BTBD9: variants seen among roughly 807,000 people sequenced by gnomAD.
The protein encoded by BTBD9 is BTB/POZ domain-containing protein 9.
BTBD9 carries 49 observed loss-of-function variants against 64.3 expected under a neutral mutation model. That is an observed-to-expected ratio of 0.76 (90% CI 0.61 to 0.97). The LOEUF (loss-of-function observed/expected upper bound fraction) is 0.97. Ranked by LOEUF, BTBD9 falls within the 50% of genes least tolerant of loss-of-function variation. The pLI, the probability that BTBD9 is intolerant of heterozygous loss-of-function variation, is 0.00. For missense variants in BTBD9, 598 were observed against 762.1 expected (o/e 0.78, Z 2.53); for synonymous variants, 260 against 274.7 (o/e 0.95, Z 0.53).
rs565712909 is a variant in BTBD9 at position 38,571,330 on chromosome 6, A to G, written c.1154+6270T>C. ...GTGTAGGGAACAAAAGAGAAATGAA[A>G]GAAGACATATGTTATACAAGTGTTA... is the stretch of plus-strand genomic sequence containing the variant. On this transcript the variant is annotated intron_variant, in intron 6 of 10. Coordinates refer to ENST00000481247, the MANE Select transcript of BTBD9 (RefSeq NM_001099272.2). Among the ~76,000 whole-genome samples the G allele has an allele frequency of 2.0e-5, 3 of 152,310 alleles. No homozygotes were observed. In the South Asian group the frequency reaches 6.2e-4, roughly 32 times the overall value.
intron 9 of BTBD9, among the ~76,000 whole-genome samples, chr6:38,226,326 A>G (rs1763391318): frequency 6.6e-6 from 1 of 152,226 alleles, no homozygotes; most frequent in South Asian, 2.1e-4. Flanking sequence ...TTCTCAAGAC[A>G]GAACAGGGAA....
At chr6:38,588,402 C>G in intron 4 of BTBD9, 1 of 822,262 alleles carries the variant, frequency 1.2e-6, no homozygotes. Context: ...AACCTGGGGC[C>G]TATAGACCAA....
intron 6 of BTBD9, among the ~76,000 whole-genome samples, chr6:38,375,926 AGAAAGAAAGAAAGAAGGAAAGAAG>A (rs1289965253): frequency 0.011 from 1,624 of 144,692 alleles, 38 homozygotes; most frequent in East Asian, 0.033. Flanking sequence ...AAAGAAAGAA[AGAAAGAAAGAAAGAAGGAAAGAAG>A]GAAAGAAAGA....
chr6:38,603,506 T>G (rs1463934343), intron 1 of BTBD9, among the ~76,000 whole-genome samples: 2 of 152,238 alleles, frequency 1.3e-5, no homozygotes, highest in Non-Finnish European at 2.9e-5. Flanking sequence ...TAATTGCCCC[T>G]TAAGGGGGAA....
chr6:38,597,479 G>A (rs1343980808), intron 2 of BTBD9, among the ~76,000 whole-genome samples: 3 of 152,174 alleles, frequency 2.0e-5, no homozygotes, highest in Admixed American at 1.3e-4. Context: ...ACAAGTGCAC[G>A]TCTTAGATCT....
intron 2 of BTBD9, among the ~76,000 whole-genome samples, chr6:38,596,941 C>T (rs114843124): frequency 0.01 from 1,537 of 152,246 alleles, 22 homozygotes; most frequent in African/African-American, 0.035. Flanking sequence ...AGACCAAGGT[C>T]GGATGCCTTG....
At chr6:38,390,061 A>C (rs1338829592) in intron 6 of BTBD9, among the ~76,000 whole-genome samples, 1 of 152,228 alleles carries the variant, frequency 6.6e-6, no homozygotes, top group Non-Finnish European at 1.5e-5. Context: ...CTGATGGTAC[A>C]ATGAAGTGAC....
At position 38,396,096 on chromosome 6, in the gene BTBD9, T is replaced by C. The variant is rs553979124; in HGVS notation, c.1155-51003A>G. ...GCATTTAAGATGAGAGGAAGGTGACTGAGGTAAGAAGTTAAAAAGACAGGG... is the reference window on the plus strand; with the variant it reads ...GCATTTAAGATGAGAGGAAGGTGACCGAGGTAAGAAGTTAAAAAGACAGGG... On this transcript the variant is annotated intron_variant, in intron 6 of 10. Coordinates refer to ENST00000481247, the MANE Select transcript of BTBD9 (RefSeq NM_001099272.2). Among the ~76,000 whole-genome samples, 20 of 152,268 alleles carry C rather than the reference T, an allele frequency of 1.3e-4. 1 individual carries two copies. In the South Asian group the frequency reaches 4.2e-3, roughly 32 times the overall value.
At chr6:38,467,552 A>C (rs1279740338) in intron 6 of BTBD9, among the ~76,000 whole-genome samples, 1 of 152,190 alleles carries the variant, frequency 6.6e-6, no homozygotes, top group Non-Finnish European at 1.5e-5. Context: ...TGTTCCATTC[A>C]TATCCATTGC....
At chr6:38,573,826 C>T (rs1222300891) in intron 6 of BTBD9, among the ~76,000 whole-genome samples, 2 of 152,096 alleles carry the variant, frequency 1.3e-5, no homozygotes, top group Non-Finnish European at 2.9e-5. Context: ...ACTCAATATC[C>T]ACCATTCATT....
chr6:38,294,894 T>C (rs1364909599), intron 7 of BTBD9, among the ~76,000 whole-genome samples: 2 of 151,900 alleles, frequency 1.3e-5, no homozygotes, highest in Admixed American at 6.6e-5. Context: ...CTCCTGGTAA[T>C]GTCAGACAGG....
At chr6:38,472,298 C>T (rs1177921924) in intron 6 of BTBD9, among the ~76,000 whole-genome samples, 1 of 152,116 alleles carries the variant, frequency 6.6e-6, no homozygotes, top group African/African-American at 2.4e-5. Context: ...ATGGAGCCTG[C>T]AGTGCTATTA....
At chr6:38,541,454 T>C (rs1289245502) in intron 6 of BTBD9, among the ~76,000 whole-genome samples, 1 of 152,130 alleles carries the variant, frequency 6.6e-6, no homozygotes, top group African/African-American at 2.4e-5. Flanking sequence ...AAATTTTCAT[T>C]CTGGCCAGGC....
intron 6 of BTBD9, among the ~76,000 whole-genome samples, chr6:38,547,363 G>A (rs891034083): frequency 1.3e-5 from 2 of 152,226 alleles, no homozygotes; most frequent in South Asian, 2.1e-4. Flanking sequence ...CTGGGAGGTC[G>A]AGGCTGCAGT....
At chr6:38,276,268 AT>A (rs1299721895) in intron 8 of BTBD9, among the ~76,000 whole-genome samples, 1 of 147,650 alleles carries the variant, frequency 6.8e-6, no homozygotes, top group Non-Finnish European at 1.5e-5. Flanking sequence ...CAAACACCGC[AT>A]GTTCTCACTC....
chr6:38,605,764 G>A (rs988570656), intron 1 of BTBD9, among the ~76,000 whole-genome samples: 5 of 152,196 alleles, frequency 3.3e-5, no homozygotes, highest in African/African-American at 1.2e-4. Context: ...GCGGCAGTGA[G>A]CCATGTTCAT....
chr6:38,427,125 C>T (rs905963161), intron 6 of BTBD9, among the ~76,000 whole-genome samples: 14 of 151,564 alleles, frequency 9.2e-5, no homozygotes, highest in African/African-American at 3.4e-4. Flanking sequence ...GTACCTCTAT[C>T]CCTTTATGGC....
chr6:38,573,810 C>T (rs1340880684), intron 6 of BTBD9, among the ~76,000 whole-genome samples: 1 of 152,192 alleles, frequency 6.6e-6, no homozygotes, highest in African/African-American at 2.4e-5. Flanking sequence ...GAGCACCCCC[C>T]AGAGTACTCA....
chr6:38,429,632 G>A (rs962647364), intron 6 of BTBD9, among the ~76,000 whole-genome samples: 2 of 151,832 alleles, frequency 1.3e-5, no homozygotes, highest in Non-Finnish European at 1.5e-5. Context: ...CTACAGTGTT[G>A]CTCCAATTTT....
Sources: gnomAD v4.1 joint callset for allele counts (sites outside exome capture counted in the v4.1 genomes callset) on GRCh38, gnomAD v4.1.1 for gene constraint, MANE v1.5 for transcripts, NCBI Gene and HGNC (gene_info 2026-07-23, HGNC 2026-07-21) for gene names.